CSMD1: variants seen among roughly 807,000 people sequenced by gnomAD.
CSMD1 encodes the protein CUB and Sushi multiple domains 1.
A neutral mutation model predicts 417.5 loss-of-function variants in CSMD1; 213 were observed. That is an observed-to-expected ratio of 0.51 (90% CI 0.46 to 0.57). The LOEUF (loss-of-function observed/expected upper bound fraction) is 0.57. Ranked by LOEUF, CSMD1 falls within the 20% of genes least tolerant of loss-of-function variation. The pLI, the probability that CSMD1 is intolerant of heterozygous loss-of-function variation, is 0.00. For missense variants in CSMD1, 6,923 were observed against 4,529.7 expected (o/e 1.53, Z -15.17); for synonymous variants, 2,862 against 1,736.8 (o/e 1.65, Z -16.11).
chr8:4,338,489 T>G lies in CSMD1; in HGVS notation c.415+81464A>C, dbSNP rs144007080. Among the ~76,000 whole-genome samples the G allele has an allele frequency of 1.7e-3, 266 of 152,222 alleles. 2 individuals are homozygous for G. Among genetic ancestry groups the G allele is most frequent in the African/African-American group, 6.3e-3 (262 of 41,566 alleles). On this transcript the variant is annotated intron_variant, in intron 3 of 69. Transcript: ENST00000635120. ...TGGTTAGGTTCATGGCAAATCTACC[T>G]CGGGATATTGTACTTTGTACCTTCA... is the stretch of plus-strand genomic sequence containing the variant.
chr8:3,091,773 T>A (rs1272031197), intron 47 of CSMD1, 111 bp from the exon 48 acceptor site: 33 of 844,098 alleles, frequency 3.9e-5, no homozygotes, highest in Non-Finnish European at 5.0e-5. Context: ...TACACAGATA[T>A]AATTATTACA....
chr8:4,822,918 T>A (rs1456117540), intron 1 of CSMD1, among the ~76,000 whole-genome samples: 2 of 152,156 alleles, frequency 1.3e-5, no homozygotes, highest in African/African-American at 4.8e-5. Context: ...TTTCTGTGAC[T>A]AATATTTTGT....
At chr8:3,098,426 A>T (rs1040952034) in intron 46 of CSMD1, among the ~76,000 whole-genome samples, 1 of 152,212 alleles carries the variant, frequency 6.6e-6, no homozygotes. Context: ...TAGCATTCTA[A>T]TTAACATATA....
chr8:3,577,000 C>A (rs17066430), intron 9 of CSMD1, among the ~76,000 whole-genome samples: 1 of 152,100 alleles, frequency 6.6e-6, no homozygotes, highest in African/African-American at 2.4e-5. Flanking sequence ...TTGGCATTGT[C>A]GGCCTGCATT....
chr8:3,170,293 C>T (rs892054117), intron 37 of CSMD1, among the ~76,000 whole-genome samples: 12 of 152,124 alleles, frequency 7.9e-5, no homozygotes, highest in Admixed American at 3.3e-4. Context: ...CTGCAAGCTC[C>T]GCCTCCCGGG....
At chr8:3,402,928 C>G (rs1184002045) in intron 15 of CSMD1, among the ~76,000 whole-genome samples, 1 of 151,994 alleles carries the variant, frequency 6.6e-6, no homozygotes, top group Admixed American at 6.6e-5. Flanking sequence ...TTCCTTGAAA[C>G]ACAGGTTTTG....
intron 2 of CSMD1, among the ~76,000 whole-genome samples, chr8:4,613,028 G>A (rs959814220): frequency 2.6e-5 from 4 of 152,130 alleles, no homozygotes; most frequent in African/African-American, 7.2e-5. Context: ...TTCAGTGTAA[G>A]GGGGCTAGAG....
intron 1 of CSMD1, among the ~76,000 whole-genome samples, chr8:4,803,842 G>A (rs937958921): frequency 6.6e-6 from 1 of 152,168 alleles, no homozygotes; most frequent in African/African-American, 2.4e-5. Context: ...CAGTAATTAT[G>A]TGTGTGTTAC....
intron 3 of CSMD1, among the ~76,000 whole-genome samples, chr8:4,130,890 T>C (rs1475046894): frequency 6.6e-6 from 1 of 151,848 alleles, no homozygotes; most frequent in Non-Finnish European, 1.5e-5. Context: ...CTGAGATAGG[T>C]AGAACAATGC....
At chr8:4,570,361 T>C (rs1798824761) in intron 2 of CSMD1, among the ~76,000 whole-genome samples, 1 of 152,234 alleles carries the variant, frequency 6.6e-6, no homozygotes, top group Non-Finnish European at 1.5e-5. Flanking sequence ...TTGAATTTTA[T>C]CGAAGGCCCT....
At chr8:3,794,043 A>G (rs1260546994) in intron 5 of CSMD1, among the ~76,000 whole-genome samples, 1 of 152,176 alleles carries the variant, frequency 6.6e-6, no homozygotes, top group African/African-American at 2.4e-5. Flanking sequence ...TGCTACTCAA[A>G]TGACGAACCG....
chr8:4,269,729 T>C (rs1175704954), intron 3 of CSMD1, among the ~76,000 whole-genome samples: 1 of 152,194 alleles, frequency 6.6e-6, no homozygotes, highest in East Asian at 1.9e-4. Context: ...ATTCTTAATA[T>C]TTACATTCTA....
chr8:3,843,477 C>T (rs1803266326), intron 5 of CSMD1, among the ~76,000 whole-genome samples: 3 of 151,860 alleles, frequency 2.0e-5, no homozygotes, highest in South Asian at 2.1e-4. Context: ...AAATTACACT[C>T]GGACTTTGTG....
At chr8:4,594,001 T>G (rs1179367398) in intron 2 of CSMD1, among the ~76,000 whole-genome samples, 1 of 152,026 alleles carries the variant, frequency 6.6e-6, no homozygotes, top group Non-Finnish European at 1.5e-5. Flanking sequence ...TCTCCACACC[T>G]TCTGGAGGTT....
intron 3 of CSMD1, among the ~76,000 whole-genome samples, chr8:4,073,498 T>C (rs1169474758): frequency 6.6e-6 from 1 of 152,190 alleles, no homozygotes; most frequent in Non-Finnish European, 1.5e-5. Flanking sequence ...CCTCATCCAA[T>C]ATTCTTTCAG....
At chr8:4,136,501 G>T (rs1803444411) in intron 3 of CSMD1, among the ~76,000 whole-genome samples, 1 of 152,240 alleles carries the variant, frequency 6.6e-6, no homozygotes, top group Admixed American at 6.5e-5. Context: ...TTATATTACT[G>T]TCCACTACAG....
intron 6 of CSMD1, among the ~76,000 whole-genome samples, chr8:3,723,912 T>C (rs905178567): frequency 2.0e-5 from 3 of 152,236 alleles, no homozygotes; most frequent in East Asian, 1.9e-4. Context: ...CTTATATGGA[T>C]GCAGATTCCA....
intron 39 of CSMD1, among the ~76,000 whole-genome samples, chr8:3,154,464 G>A (rs1168667025): frequency 5.9e-5 from 9 of 152,198 alleles, no homozygotes; most frequent in Non-Finnish European, 7.3e-5. Flanking sequence ...AAAGGGAAAG[G>A]AGTTTATTTT....
chr8:3,408,987 G>A (rs1812518496), intron 13 of CSMD1, among the ~76,000 whole-genome samples: 1 of 152,126 alleles, frequency 6.6e-6, no homozygotes, highest in East Asian at 1.9e-4. Flanking sequence ...TTCTTAAGAG[G>A]AAGTGGGCAG....
Sources: allele counts gnomAD v4.1 joint callset (sites outside exome capture counted in the v4.1 genomes callset), GRCh38; gene constraint gnomAD v4.1.1; transcripts MANE v1.5; gene names NCBI Gene and HGNC (gene_info 2026-07-23, HGNC 2026-07-21).